QKI: variants seen among roughly 807,000 people sequenced by gnomAD.
The protein encoded by QKI is QKI, KH domain containing RNA binding.
A neutral mutation model predicts 39.0 loss-of-function variants in QKI; 10 were observed. The observed-to-expected ratio is 0.26, with a 90% CI of 0.16 to 0.43. The LOEUF is 0.43. QKI is among the 20% of genes least tolerant of loss of function. The probability of loss-of-function intolerance (pLI) is 1.00; values close to 1 mark genes in which losing one functional copy is unlikely to be tolerated. For missense variants in QKI, 218 were observed against 428.0 expected, an observed-to-expected ratio of 0.51 and a Z score of 4.33; for synonymous variants, 204 against 155.4, an observed-to-expected ratio of 1.31 and a Z score of -2.33.
chr6:163,471,919 TAAG>T (rs1277393998), intron 2 of QKI, among the ~76,000 whole-genome samples: 2 of 152,026 alleles, frequency 1.3e-5, no homozygotes, highest in Non-Finnish European at 2.9e-5. Context: ...AAAAGACACA[TAAG>T]AAAATAAATT....
chr6:163,526,145 A>G (rs1418616210), intron 3 of QKI, among the ~76,000 whole-genome samples: 1 of 152,228 alleles, frequency 6.6e-6, no homozygotes, highest in Non-Finnish European at 1.5e-5. Flanking sequence ...AAATAGTAGA[A>G]TGGGAGTATT....
chr6:163,541,855 C>T (rs1340355742), intron 4 of QKI, among the ~76,000 whole-genome samples: 1 of 151,844 alleles, frequency 6.6e-6, no homozygotes, highest in Non-Finnish European at 1.5e-5. Context: ...GCAGTATGGC[C>T]TACTTGCCTT....
At chr6:163,501,090 C>A (rs1288701081) in intron 3 of QKI, among the ~76,000 whole-genome samples, 5 of 151,998 alleles carry the variant, frequency 3.3e-5, no homozygotes, top group African/African-American at 1.2e-4. Flanking sequence ...TCATTTAATA[C>A]AATGACTTTT....
At chr6:163,451,952 A>G (rs1790595318) in intron 1 of QKI, among the ~76,000 whole-genome samples, 1 of 152,216 alleles carries the variant, frequency 6.6e-6, no homozygotes, top group Non-Finnish European at 1.5e-5. Flanking sequence ...AGAAGCTCTG[A>G]TTGCCACGAC....
intron 3 of QKI, among the ~76,000 whole-genome samples, chr6:163,488,836 T>C (rs996598195): frequency 6.6e-6 from 1 of 152,192 alleles, no homozygotes; most frequent in Non-Finnish European, 1.5e-5. Flanking sequence ...AATATTTACA[T>C]GGTTCCAAAG....
Position 163,570,079 on chromosome 6 carries a change from A to G in QKI, c.1010-615A>G, listed in dbSNP as rs902656774. The stretch of plus-strand genomic sequence containing the variant: ...AGTATCGCTTTGTATCATGAGGCCA[A>G]GAAATTCCATGTTGTTTGTAAATAG... On this transcript the variant is annotated intron_variant, in intron 7 of 7. Coordinates refer to ENST00000361752, the MANE Select transcript of QKI (RefSeq NM_006775.3). The G allele has an allele frequency of 5.1e-6, 5 of 986,134 alleles. No homozygotes were observed. In the African/African-American group the frequency reaches 8.7e-5, roughly 17 times the overall value. 61.1% of individuals were successfully genotyped at this position (986,134 alleles called of 1,614,324 possible).
In QKI at chr6:163,573,011, A is replaced by G. The variant is rs543500987; in HGVS notation, c.*2301A>G. The G allele has an allele frequency of 6.6e-6, 1 of 152,328 alleles. No homozygotes were observed. Among genetic ancestry groups the G allele is most frequent in the East Asian group, 1.9e-4 (1 of 5,180 alleles). The allele number at this position is 152,328 out of a possible 1,614,324, so 9.4% of individuals were successfully genotyped here. A position where few individuals can be genotyped will look rare whatever the true frequency, so the allele number is the denominator to read the frequency against. On this transcript the variant is annotated 3_prime_UTR_variant, in exon 8 of 8. Coordinates refer to ENST00000361752, the MANE Select transcript of QKI (RefSeq NM_006775.3). ...CTTGAGGTGATAGTTGTTAAAAACA[A>G]TACCAGTATTTGATCCAGTTTCATC...
Position 163,516,774 on chromosome 6 carries a change from G to A in QKI, c.403-18208G>A, listed in dbSNP as rs186174221. Among the ~76,000 whole-genome samples the A allele has an allele frequency of 3.8e-4, 58 of 152,028 alleles. 1 individual carries two copies. The highest frequency in any genetic ancestry group is 7.6e-4 in the Non-Finnish European group (52 of 67,978). ...TCATACTGAAATGAATACTACTTGC[G>A]TTCTTACTGGTGTAGAGGTGTAGGC... On this transcript the variant is annotated intron_variant, in intron 3 of 7. Transcript: ENST00000361752.
chr6:163,420,146 TTTC>T (rs1298935018), intron 1 of QKI, among the ~76,000 whole-genome samples: 3 of 150,242 alleles, frequency 2.0e-5, no homozygotes, highest in Non-Finnish European at 3.0e-5. Flanking sequence ...GGGCTTTTCT[TTTC>T]TTTTCTTTTT....
At chr6:163,473,982 T>C (rs1792390677) in intron 2 of QKI, among the ~76,000 whole-genome samples, 1 of 152,166 alleles carries the variant, frequency 6.6e-6, no homozygotes, top group Admixed American at 6.5e-5. Flanking sequence ...TTGCATTAAA[T>C]TGGTTTAACA....
chr6:163,476,024 C>T (rs764515898), intron 2 of QKI, among the ~76,000 whole-genome samples: 2 of 152,152 alleles, frequency 1.3e-5, no homozygotes, highest in Non-Finnish European at 2.9e-5. Context: ...AATAGAAAAA[C>T]ACAGGAAACT....
intron 1 of QKI, among the ~76,000 whole-genome samples, chr6:163,426,845 T>A (rs1400027813): frequency 1.3e-5 from 2 of 152,190 alleles, no homozygotes; most frequent in African/African-American, 2.4e-5. Context: ...ACCAATGAAT[T>A]TTTTCTCTCT....
intron 3 of QKI, 125 bp from the exon 4 acceptor site, chr6:163,534,857 C>T: frequency 1.3e-6 from 1 of 759,880 alleles, no homozygotes; most frequent in East Asian, 2.9e-5. Context: ...AATTCAAAGA[C>T]TTGTGCCATC....
chr6:163,521,281 C>T (rs1026121006), intron 3 of QKI, among the ~76,000 whole-genome samples: 3 of 152,040 alleles, frequency 2.0e-5, no homozygotes, highest in Admixed American at 6.6e-5. Context: ...CTATGGGAAT[C>T]GCTGGGATGT....
In QKI at chr6:163,574,593, TTGTA is replaced by T. The variant is rs1460589039; in HGVS notation, c.*3887_*3890del. The T allele has an allele frequency of 2.6e-5, 4 of 152,286 alleles. 1 individual carries two copies. The highest frequency in any genetic ancestry group is 6.5e-5 in the Admixed American group (1 of 15,294). The allele number at this position is 152,286 out of a possible 1,614,324, so 9.4% of individuals were successfully genotyped here. A position where few individuals can be genotyped will look rare whatever the true frequency, so the allele number is the denominator to read the frequency against. On this transcript the variant is annotated 3_prime_UTR_variant, in exon 8 of 8. Coordinates refer to ENST00000361752, the MANE Select transcript of QKI (RefSeq NM_006775.3). ...GGGAATAACATTGGGATTTGAAAAG[TTGTA>T]TGTGATTAATTTCTTGCATGCAAAT... is the stretch of plus-strand genomic sequence containing the variant.
intron 2 of QKI, among the ~76,000 whole-genome samples, chr6:163,474,361 A>G (rs1792424628): frequency 6.6e-6 from 1 of 152,128 alleles, no homozygotes; most frequent in South Asian, 2.1e-4. Context: ...TATGATAGGA[A>G]AGGAAAATAG....
At position 163,422,666 on chromosome 6, in the gene QKI, T is replaced by C. The variant is rs148891669; in HGVS notation, c.142+7331T>C. On this transcript the variant is annotated intron_variant, in intron 1 of 7. Coordinates refer to ENST00000361752, the MANE Select transcript of QKI (RefSeq NM_006775.3). ...GGTCACAATGTAAGTAAAGGGCATGTGTGTGCAGGCATTTATATCTGTAAG... is the reference window on the plus strand; with the variant it reads ...GGTCACAATGTAAGTAAAGGGCATGCGTGTGCAGGCATTTATATCTGTAAG... 1.3e-4 allele frequency among the ~76,000 whole-genome samples: 20 copies of C among 152,330 alleles called. 1 individual carries two copies. Among genetic ancestry groups the C allele is most frequent in the African/African-American group, 4.3e-4 (18 of 41,566 alleles).
At chr6:163,416,154 C>T (rs1376578674) in intron 1 of QKI, among the ~76,000 whole-genome samples, 1 of 151,758 alleles carries the variant, frequency 6.6e-6, no homozygotes. Flanking sequence ...GGGGACGCAG[C>T]CGCCTGAGTT....
chr6:163,468,990 G>A (rs1791987529), intron 2 of QKI, among the ~76,000 whole-genome samples: 2 of 151,840 alleles, frequency 1.3e-5, no homozygotes, highest in Admixed American at 6.6e-5. Context: ...GAGTCCTGAT[G>A]GCTTGCACCT....
Sources: gnomAD v4.1 joint callset for allele counts (sites outside exome capture counted in the v4.1 genomes callset) on GRCh38, gnomAD v4.1.1 for gene constraint, MANE v1.5 for transcripts, NCBI Gene and HGNC (gene_info 2026-07-23, HGNC 2026-07-21) for gene names.